The following ZBTB20 variants were observed in gnomAD, a reference collection of about 807,000 sequenced individuals.
ZBTB20 encodes zinc finger and BTB domain-containing protein 20.
A neutral mutation model predicts 56.9 loss-of-function variants in ZBTB20; 9 were observed. The observed-to-expected ratio is 0.16, with a 90% CI of 0.10 to 0.28. The LOEUF (loss-of-function observed/expected upper bound fraction) is 0.28. Ranked by LOEUF, ZBTB20 falls within the 10% of genes least tolerant of loss-of-function variation. The pLI, the probability that ZBTB20 is intolerant of heterozygous loss-of-function variation, is 1.00. For synonymous variants in ZBTB20, 417 were observed against 420.7 expected, an observed-to-expected ratio of 0.99 and a Z score of 0.11; for missense variants, 655 against 1,003.0, an observed-to-expected ratio of 0.65 and a Z score of 4.69.
chr3:114,430,834 T>C (rs1055542338), intron 7 of ZBTB20, among the ~76,000 whole-genome samples: 8 of 152,180 alleles, frequency 5.3e-5, no homozygotes, highest in Non-Finnish European at 7.4e-5. Context: ...CTTAAAAATA[T>C]TTAAAGGTGA....
chr3:114,573,243 T>G (rs1308647295), intron 6 of ZBTB20, among the ~76,000 whole-genome samples: 15 of 152,072 alleles, frequency 9.9e-5, no homozygotes, highest in Admixed American at 9.2e-4. Flanking sequence ...GTGGATCCCC[T>G]GAGCTCAGGA....
At chr3:114,990,710 AT>A (rs1201203100) in intron 2 of ZBTB20, among the ~76,000 whole-genome samples, 1 of 152,140 alleles carries the variant, frequency 6.6e-6, no homozygotes, top group Non-Finnish European at 1.5e-5. Context: ...CTCTGGTAGA[AT>A]TCGGCTGTGG....
intron 2 of ZBTB20, among the ~76,000 whole-genome samples, chr3:115,014,368 T>C (rs1225267161): frequency 3.3e-5 from 5 of 151,650 alleles, no homozygotes; most frequent in African/African-American, 9.7e-5. Context: ...GGAATGGCTA[T>C]AGTCAAAAAT....
chr3:114,517,987 G>T (rs944181978), intron 6 of ZBTB20, among the ~76,000 whole-genome samples: 3 of 152,102 alleles, frequency 2.0e-5, no homozygotes, highest in African/African-American at 7.2e-5. Flanking sequence ...CATTCTAAGG[G>T]GAAAAATTTG....
chr3:114,747,215 A>G (rs910798899), intron 5 of ZBTB20, among the ~76,000 whole-genome samples: 4 of 152,178 alleles, frequency 2.6e-5, no homozygotes, highest in Admixed American at 6.5e-5. Flanking sequence ...TCTTAAAGAG[A>G]AGAATAAAAG....
In ZBTB20 at chr3:114,989,465, C is replaced by T. The variant is rs1183599518; in HGVS notation, c.-506-15049G>A. ...TGTTCTGTTCCATTGCTCTATCTCT[C>T]TGTTTTGGTAGCAGCACCATGCTGT... On this transcript the variant is annotated intron_variant, in intron 2 of 11. Transcript: ENST00000675478. Among the ~76,000 whole-genome samples, 5 of 152,130 alleles carry T rather than the reference C, an allele frequency of 3.3e-5. No homozygotes were observed. The East Asian group carries it at 9.6e-4, about 29-fold the overall frequency.
At chr3:115,118,426 TAA>T (rs934601286) in intron 1 of ZBTB20, among the ~76,000 whole-genome samples, 6 of 152,152 alleles carry the variant, frequency 3.9e-5, no homozygotes, top group African/African-American at 7.2e-5. Flanking sequence ...CTCTATCACA[TAA>T]GTTATAAAAT....
chr3:114,393,692 C>T lies in ZBTB20; in HGVS notation c.-254-4587G>A, dbSNP rs573910495. On this transcript the variant is annotated intron_variant, in intron 7 of 11. Transcript: ENST00000675478. Reference sequence around the variant, plus strand: ...TAATGACTTTCATATCCAGTGTACTCGGTTTTTAAGTCAAAAGATAATTTT... The same window carrying T: ...TAATGACTTTCATATCCAGTGTACTTGGTTTTTAAGTCAAAAGATAATTTT... 7.9e-5 allele frequency among the ~76,000 whole-genome samples: 12 copies of T among 152,276 alleles called. No homozygotes were observed. In the South Asian group the frequency reaches 1.9e-3, roughly 24 times the overall value.
chr3:114,697,907 A>G (rs565897479), intron 5 of ZBTB20, among the ~76,000 whole-genome samples: 3 of 152,238 alleles, frequency 2.0e-5, no homozygotes, highest in Admixed American at 6.5e-5. Flanking sequence ...CTCTCACAAA[A>G]AAATGGTCTT....
intron 8 of ZBTB20, chr3:114,388,782 CA>C (rs1215730328): frequency 6.6e-6 from 1 of 152,372 alleles, no homozygotes; most frequent in Non-Finnish European, 1.5e-5. Context: ...TACAGCTCAG[CA>C]CAGCCATCTG....
chr3:114,695,586 A>G (rs2062959875), intron 5 of ZBTB20, among the ~76,000 whole-genome samples: 2 of 151,980 alleles, frequency 1.3e-5, no homozygotes. Context: ...AATCAATAAA[A>G]TGCAAATCTC....
intron 6 of ZBTB20, chr3:114,519,714 T>C (rs905998800): frequency 2.6e-5 from 4 of 152,190 alleles, no homozygotes. Flanking sequence ...TGCAGAAGCT[T>C]TTCTGGAGAG....
chr3:115,133,814 A>G (rs1338776908), intron 1 of ZBTB20, among the ~76,000 whole-genome samples: 1 of 152,220 alleles, frequency 6.6e-6, no homozygotes, highest in Non-Finnish European at 1.5e-5. Context: ...CTTTTTGGCT[A>G]CTATGAATAA....
intron 6 of ZBTB20, among the ~76,000 whole-genome samples, chr3:114,505,761 G>C (rs1047865635): frequency 1.3e-5 from 2 of 152,006 alleles, no homozygotes; most frequent in Non-Finnish European, 2.9e-5. Context: ...CTGGTTTCCA[G>C]TGTTTTCAAA....
chr3:114,476,880 T>C (rs2040836200), intron 7 of ZBTB20, among the ~76,000 whole-genome samples: 1 of 152,252 alleles, frequency 6.6e-6, no homozygotes, highest in Non-Finnish European at 1.5e-5. Context: ...CTAGACTGCC[T>C]GGATCAAAGT....
chr3:114,341,372 C>T (rs1436640922), intron 11 of ZBTB20, among the ~76,000 whole-genome samples: 1 of 152,074 alleles, frequency 6.6e-6, no homozygotes, highest in East Asian at 1.9e-4. Flanking sequence ...CTGGTCTTTG[C>T]TATCCTCATG....
At chr3:114,476,341 T>C (rs1418126409) in intron 7 of ZBTB20, among the ~76,000 whole-genome samples, 1 of 152,244 alleles carries the variant, frequency 6.6e-6, no homozygotes, top group East Asian at 1.9e-4. Flanking sequence ...TTCACTATGA[T>C]ATTCTTCCTA....
intron 5 of ZBTB20, among the ~76,000 whole-genome samples, chr3:114,787,368 T>TACACACACACACACACAC (rs1300106922): frequency 9.4e-6 from 1 of 106,330 alleles, no homozygotes; most frequent in African/African-American, 4.5e-5. Context: ...TATATATATA[T>TACACACACACACACACAC]ACACACACAC....
chr3:114,804,815 TTACTA>T (rs1453253046), intron 4 of ZBTB20, among the ~76,000 whole-genome samples: 2 of 151,856 alleles, frequency 1.3e-5, no homozygotes, highest in Non-Finnish European at 2.9e-5. Context: ...CATGAATACT[TTACTA>T]TGTGTTACTG....
Sources: gnomAD v4.1 joint callset for allele counts (sites outside exome capture counted in the v4.1 genomes callset) on GRCh38, gnomAD v4.1.1 for gene constraint, MANE v1.5 for transcripts, NCBI Gene and HGNC (gene_info 2026-07-23, HGNC 2026-07-21) for gene names.